Variants in GADL1 observed in about 807,000 individuals in gnomAD.
GADL1 encodes acidic amino acid decarboxylase GADL1.
Under a neutral mutation model 69.5 loss-of-function variants are expected in GADL1, and 71 were observed. The observed-to-expected ratio is 1.02, with a 90% CI of 0.84 to 1.25. The LOEUF (loss-of-function observed/expected upper bound fraction) is 1.25. Ranked by LOEUF, GADL1 falls within the 50% of genes most tolerant of loss-of-function variation. The pLI, the probability that GADL1 is intolerant of heterozygous loss-of-function variation, is 0.00. For synonymous variants in GADL1, 254 were observed against 214.4 expected, an observed-to-expected ratio of 1.18 and a Z score of -1.62; for missense variants, 737 against 631.8, an observed-to-expected ratio of 1.17 and a Z score of -1.79.
chr3:30,777,873 TAGTC>T (rs1346340874), intron 14 of GADL1, among the ~76,000 whole-genome samples: 1 of 151,706 alleles, frequency 6.6e-6, no homozygotes, highest in Non-Finnish European at 1.5e-5. Flanking sequence ...TTGAAATAAA[TAGTC>T]ATTCATCACA....
At chr3:30,861,839 C>T in intron 1 of GADL1, 74 bp from the exon 2 acceptor site, 1 of 877,178 alleles carries the variant, frequency 1.1e-6, no homozygotes, top group Non-Finnish European at 1.7e-6. Flanking sequence ...GGACAAAATG[C>T]ATCACTATCC....
intron 14 of GADL1, among the ~76,000 whole-genome samples, chr3:30,769,027 G>A (rs1232272105): frequency 2.0e-5 from 3 of 152,124 alleles, no homozygotes; most frequent in East Asian, 1.9e-4. Context: ...CAAGTCCAGA[G>A]CATTTTCCTT....
chr3:30,834,523 GTA>G (rs1433697638), intron 9 of GADL1, among the ~76,000 whole-genome samples: 2 of 152,018 alleles, frequency 1.3e-5, no homozygotes, highest in Non-Finnish European at 2.9e-5. Context: ...TCATAAATTG[GTA>G]TATTAACCAA....
chr3:30,813,292 T>C (rs1697395639), intron 11 of GADL1, among the ~76,000 whole-genome samples: 1 of 146,340 alleles, frequency 6.8e-6, no homozygotes, highest in African/African-American at 2.8e-5. Flanking sequence ...GTGGCATGAT[T>C]AAGTAAATGC....
intron 14 of GADL1, among the ~76,000 whole-genome samples, chr3:30,731,315 A>C (rs1695453827): frequency 1.3e-5 from 2 of 152,206 alleles, no homozygotes; most frequent in South Asian, 2.1e-4. Flanking sequence ...GCTCAGGCCT[A>C]ATTTGCATAG....
At chr3:30,875,851 T>C (rs928197743) in intron 1 of GADL1, among the ~76,000 whole-genome samples, 1 of 151,850 alleles carries the variant, frequency 6.6e-6, no homozygotes, top group Admixed American at 6.6e-5. Flanking sequence ...ATCTAGATGC[T>C]TGGTTATTGA....
At chr3:30,844,580 T>C (rs568524490) in intron 6 of GADL1, 114 bp from the exon 7 acceptor site, 167 of 738,664 alleles carry the variant, frequency 2.3e-4, no homozygotes, top group South Asian at 4.8e-4. Flanking sequence ...TTTGGGACAT[T>C]ATTGCATAAA....
At position 30,747,181 on chromosome 3, in the gene GADL1, C is replaced by T. The variant is rs115208144; in HGVS notation, c.1393-18766G>A. On this transcript the variant is annotated intron_variant, in intron 14 of 14. Transcript: ENST00000282538. ...TAGCAGACCAATCAATTAGAATCAG[C>T]CTTTTTCTGTTTATGTCAACAGCCA... Among the ~76,000 whole-genome samples the T allele has an allele frequency of 3.7e-3, 571 of 152,286 alleles. 4 individuals carry two copies. Among genetic ancestry groups the T allele is most frequent in the African/African-American group, 0.013 (546 of 41,560 alleles).
chr3:30,741,883 A>G (rs1441614507), intron 14 of GADL1, among the ~76,000 whole-genome samples: 2 of 152,180 alleles, frequency 1.3e-5, no homozygotes, highest in African/African-American at 4.8e-5. Context: ...TGTGGCCTCC[A>G]AGGCAAGGTC....
chr3:30,840,981 T>C (rs1454050148), intron 8 of GADL1, among the ~76,000 whole-genome samples: 2 of 152,218 alleles, frequency 1.3e-5, no homozygotes, highest in Non-Finnish European at 2.9e-5. Flanking sequence ...ATGCTTTGTG[T>C]TTTTCACCAT....
At chr3:30,781,679 G>A (rs1214176668) in intron 13 of GADL1, among the ~76,000 whole-genome samples, 1 of 152,186 alleles carries the variant, frequency 6.6e-6, no homozygotes, top group African/African-American at 2.4e-5. Context: ...TCTTTGGGAT[G>A]AGTATCAAAC....
At chr3:30,807,705 G>A (rs867293639) in intron 11 of GADL1, among the ~76,000 whole-genome samples, 1 of 152,184 alleles carries the variant, frequency 6.6e-6, no homozygotes, top group East Asian at 1.9e-4. Context: ...TAGTTGGTGT[G>A]GGGGATGGAA....
At chr3:30,730,495 G>A (rs1001276834) in intron 14 of GADL1, among the ~76,000 whole-genome samples, 3 of 152,098 alleles carry the variant, frequency 2.0e-5, no homozygotes, top group South Asian at 2.1e-4. Flanking sequence ...AGAAACCCGA[G>A]CTGCATAAGA....
chr3:30,747,494 G>C (rs934840845), intron 14 of GADL1, among the ~76,000 whole-genome samples: 2 of 152,184 alleles, frequency 1.3e-5, no homozygotes, highest in Non-Finnish European at 2.9e-5. Flanking sequence ...TTTTGGTAAA[G>C]GATAAATTCA....
At chr3:30,839,192 G>A in intron 8 of GADL1, 79 bp from the exon 9 acceptor site, 1 of 869,418 alleles carries the variant, frequency 1.2e-6, no homozygotes, top group South Asian at 2.4e-5. Flanking sequence ...AATATAAAGG[G>A]TTATGCATCC....
chr3:30,821,504 C>T (rs1024103710), intron 11 of GADL1, among the ~76,000 whole-genome samples: 6 of 150,750 alleles, frequency 4.0e-5, no homozygotes, highest in African/African-American at 1.5e-4. Flanking sequence ...CGTGGAAGTT[C>T]ATCTCTACTT....
chr3:30,772,070 G>A (rs1295041703), intron 14 of GADL1, among the ~76,000 whole-genome samples: 1 of 152,154 alleles, frequency 6.6e-6, no homozygotes, highest in Non-Finnish European at 1.5e-5. Flanking sequence ...TCATCTTCAA[G>A]TGCCGTTAAT....
chr3:30,857,976 G>A (rs1165525147), intron 2 of GADL1, among the ~76,000 whole-genome samples: 2 of 152,078 alleles, frequency 1.3e-5, no homozygotes, highest in East Asian at 1.9e-4. Flanking sequence ...TTGCTCAGAA[G>A]TCACTTTCTC....
At chr3:30,788,517 G>A (rs1338052085) in intron 12 of GADL1, among the ~76,000 whole-genome samples, 2 of 152,174 alleles carry the variant, frequency 1.3e-5, no homozygotes, top group Non-Finnish European at 2.9e-5. Context: ...CTGATCAAAA[G>A]GCTGAAGGTC....
Sources: gnomAD v4.1 joint callset for allele counts (sites outside exome capture counted in the v4.1 genomes callset) on GRCh38, gnomAD v4.1.1 for gene constraint, MANE v1.5 for transcripts, NCBI Gene and HGNC (gene_info 2026-07-23, HGNC 2026-07-21) for gene names.